POU2F1: variants seen among roughly 807,000 people sequenced by gnomAD.
POU2F1 encodes the protein POU domain, class 2, transcription factor 1.
A neutral mutation model predicts 84.9 loss-of-function variants in POU2F1; 16 were observed. The ratio of observed to expected loss-of-function variants is 0.19; its 90% CI spans 0.13 to 0.29. The LOEUF (loss-of-function observed/expected upper bound fraction) is 0.29. POU2F1 is among the 10% of genes least tolerant of loss of function. The pLI, the probability that POU2F1 is intolerant of heterozygous loss-of-function variation, is 1.00. For missense variants in POU2F1, 738 were observed against 942.6 expected (o/e 0.78, Z 2.84); for synonymous variants, 368 against 368.3 (o/e 1.00, Z 0.01).
intron 2 of POU2F1, among the ~76,000 whole-genome samples, chr1:167,343,632 ATT>A (rs869170039): frequency 2.9e-5 from 2 of 69,398 alleles, no homozygotes; most frequent in African/African-American, 1.0e-4. Context: ...CCAGGGGTCA[ATT>A]TTTTTTTTTT....
chr1:167,228,509 T>A (rs999825378), intron 1 of POU2F1, among the ~76,000 whole-genome samples: 1 of 152,232 alleles, frequency 6.6e-6, no homozygotes, highest in Non-Finnish European at 1.5e-5. Flanking sequence ...ATAAGGACGT[T>A]TGGGAGAAAT....
At chr1:167,352,503 A>G (rs1261629855) in intron 2 of POU2F1, among the ~76,000 whole-genome samples, 1 of 152,232 alleles carries the variant, frequency 6.6e-6, no homozygotes, top group African/African-American at 2.4e-5. Flanking sequence ...GGTTTAGTAG[A>G]AAGGGCAATT....
intron 1 of POU2F1, among the ~76,000 whole-genome samples, chr1:167,301,183 C>T (rs1417802909): frequency 3.9e-5 from 6 of 152,158 alleles, no homozygotes; most frequent in Non-Finnish European, 7.4e-5. Context: ...TTGGTTCTCT[C>T]TCTCTCTCTC....
intron 2 of POU2F1, among the ~76,000 whole-genome samples, chr1:167,349,352 G>A (rs776036070): frequency 1.4e-4 from 22 of 152,006 alleles, no homozygotes; most frequent in Admixed American, 9.2e-4. Context: ...TTATGAATAT[G>A]GAATTCATAA....
intron 2 of POU2F1, among the ~76,000 whole-genome samples, chr1:167,360,892 A>G (rs1659311386): frequency 1.3e-5 from 2 of 152,010 alleles, no homozygotes; most frequent in African/African-American, 4.8e-5. Context: ...TATAGTACTC[A>G]TAGATATCTT....
chr1:167,407,979 T>C (rs1360692409), intron 13 of POU2F1, among the ~76,000 whole-genome samples: 2 of 152,220 alleles, frequency 1.3e-5, no homozygotes, highest in East Asian at 3.8e-4. Flanking sequence ...GCAGATCACA[T>C]ATCCAATAAA....
intron 1 of POU2F1, chr1:167,328,996 T>A: frequency 9.6e-7 from 1 of 1,045,124 alleles, no homozygotes; most frequent in Non-Finnish European, 1.2e-6. Context: ...AACTTTTTCA[T>A]GCTTCAGTTG....
At chr1:167,395,554 A>G (rs370890138) in intron 9 of POU2F1, among the ~76,000 whole-genome samples, 166 of 152,292 alleles carry the variant, frequency 1.1e-3, no homozygotes, top group African/African-American at 3.5e-3. Context: ...AGAGAGTTAT[A>G]CATAATATCT....
chr1:167,312,736 C>T (rs1655590293), intron 1 of POU2F1, among the ~76,000 whole-genome samples: 1 of 152,164 alleles, frequency 6.6e-6, no homozygotes, highest in Non-Finnish European at 1.5e-5. Context: ...CTGGCTCACC[C>T]ATAGCAATTT....
In POU2F1 at chr1:167,222,532, G is replaced by C. The variant is rs755808111; in HGVS notation, c.61+1574G>C. The stretch of plus-strand genomic sequence containing the variant: ...AGGGCTCTGAGATCAAACCCAGGCC[G>C]TGCTGGGAAGAGAGGGGGGAAGCTG... On this transcript the variant is annotated intron_variant, in intron 1 of 15. Transcript: ENST00000367866. Among the ~76,000 whole-genome samples the C allele has an allele frequency of 2.6e-5, 4 of 151,980 alleles. No individual in the cohort carries two copies. In the South Asian group the frequency reaches 6.2e-4, roughly 24 times the overall value.
chr1:167,269,171 T>TA (rs531485280), intron 1 of POU2F1, among the ~76,000 whole-genome samples: 3 of 151,920 alleles, frequency 2.0e-5, no homozygotes, highest in African/African-American at 7.2e-5. Flanking sequence ...AGTGGGAAAT[T>TA]AAAAAAAAGA....
intron 2 of POU2F1, among the ~76,000 whole-genome samples, chr1:167,361,371 T>G (rs1659340568): frequency 1.3e-5 from 2 of 152,122 alleles, no homozygotes; most frequent in Admixed American, 6.5e-5. Context: ...TTATTAGGAG[T>G]TTTTATTATA....
intron 1 of POU2F1, among the ~76,000 whole-genome samples, chr1:167,279,809 C>T (rs955792110): frequency 3.9e-5 from 6 of 152,110 alleles, no homozygotes; most frequent in African/African-American, 9.7e-5. Flanking sequence ...GAAGGGTTAG[C>T]AAGCAGGTTT....
At chr1:167,224,391 G>C (rs1012210338) in intron 1 of POU2F1, among the ~76,000 whole-genome samples, 1 of 152,140 alleles carries the variant, frequency 6.6e-6, no homozygotes, top group African/African-American at 2.4e-5. Context: ...CTTTAAGGTG[G>C]AAATGATAAT....
chr1:167,396,574 A>T (rs1206119599), intron 10 of POU2F1, 147 bp downstream of exon 10: 2 of 749,844 alleles, frequency 2.7e-6, no homozygotes, highest in East Asian at 5.4e-5. Flanking sequence ...ATTATAAATT[A>T]TGGTGATATA....
intron 1 of POU2F1, among the ~76,000 whole-genome samples, chr1:167,331,943 G>C (rs975945924): frequency 1.3e-5 from 2 of 151,980 alleles, no homozygotes; most frequent in Non-Finnish European, 2.9e-5. Context: ...TTGGGGAGGG[G>C]AGTAAATTTA....
intron 1 of POU2F1, among the ~76,000 whole-genome samples, chr1:167,297,342 CT>C (rs1263830356): frequency 4.6e-5 from 7 of 152,198 alleles, no homozygotes; most frequent in Non-Finnish European, 1.0e-4. Flanking sequence ...CGTGGCTAAT[CT>C]GATTGAGAAA....
intron 13 of POU2F1, among the ~76,000 whole-genome samples, chr1:167,404,023 C>A (rs1649385440): frequency 6.6e-6 from 1 of 151,946 alleles, no homozygotes; most frequent in South Asian, 2.1e-4. Flanking sequence ...CTTGTTTTTT[C>A]TCTCTGTAAA....
In POU2F1 at chr1:167,412,026, A is replaced by G. The variant is rs368963193; in HGVS notation, c.1623A>G (p.Ala541=). ...VISTAPPASS[A]VTSPSLSPSP... is the part of the protein sequence containing the mutation. ...CCACAGCGCCTCCAGCTTCCTCAGCAGTCACGTCCCCCTCTCTGAGTCCCT... is the reference window on the plus strand; with the variant it reads ...CCACAGCGCCTCCAGCTTCCTCAGCGGTCACGTCCCCCTCTCTGAGTCCCT... Residue 541 remains alanine (A), a synonymous_variant, in exon 14 of 16, where the codon GCA becomes GCG. Transcript: ENST00000367866. The G allele has an allele frequency of 2.5e-6, 4 of 1,614,016 alleles. No homozygotes were observed. In the African/African-American group the frequency reaches 5.3e-5, roughly 22 times the overall value.
Sources: allele counts gnomAD v4.1 joint callset (sites outside exome capture counted in the v4.1 genomes callset), GRCh38; gene constraint gnomAD v4.1.1; transcripts MANE v1.5; gene names NCBI Gene and HGNC (gene_info 2026-07-23, HGNC 2026-07-21).